The following MARK3 variants were observed in gnomAD, a reference collection of about 807,000 sequenced individuals.
MARK3 encodes microtubule affinity regulating kinase 3, also known as MAP/microtubule affinity-regulating kinase 3.
MARK3 carries 46 observed loss-of-function variants against 90.1 expected under a neutral mutation model. The observed-to-expected ratio is 0.51, with a 90% CI of 0.40 to 0.65. MARK3 has a LOEUF of 0.65. Among genes scored for constraint, MARK3 ranks in the 30% least tolerant of loss-of-function variants. The pLI, the probability that MARK3 is intolerant of heterozygous loss-of-function variation, is 0.00. For synonymous variants in MARK3, 321 were observed against 332.6 expected (o/e 0.97, Z 0.38); for missense variants, 818 against 947.2 (o/e 0.86, Z 1.79).
At chr14:103,438,918 G>A (rs1163005940) in intron 3 of MARK3, among the ~76,000 whole-genome samples, 13 of 151,492 alleles carry the variant, frequency 8.6e-5, no homozygotes, top group Admixed American at 8.6e-4. Flanking sequence ...AGCCCGGGAG[G>A]TCGAGGCTGC....
At position 103,479,628 on chromosome 14, in the gene MARK3, C is replaced by CTTTTTTTTTTTTTT. The variant is rs34768749; in HGVS notation, c.1483-751_1483-738dup. ...ATGTGTTTCTTGGCCATACGTATAG[C>CTTTTTTTTTTTTTT]TTTTTTTTTTTTTTTTTTTTTGAGA... On this transcript the variant is annotated intron_variant, in intron 13 of 17. Transcript: ENST00000429436. Among the ~76,000 whole-genome samples, 3 of 78,252 alleles carry CTTTTTTTTTTTTTT rather than the reference C, an allele frequency of 3.8e-5. 1 individual carries two copies. Among genetic ancestry groups the CTTTTTTTTTTTTTT allele is most frequent in the Admixed American group, 1.9e-4 (1 of 5,272 alleles). 51.3% of individuals were successfully genotyped at this position (78,252 alleles called of 152,430 possible). A position where few individuals can be genotyped will look rare whatever the true frequency, so the allele number is the denominator to read the frequency against.
intron 1 of MARK3, among the ~76,000 whole-genome samples, chr14:103,395,810 T>A (rs1178988740): frequency 1.3e-5 from 2 of 152,198 alleles, no homozygotes; most frequent in Non-Finnish European, 2.9e-5. Context: ...ACACTCCGAT[T>A]TGGAGAGAGA....
chr14:103,408,535 C>G (rs1245013577), intron 2 of MARK3, among the ~76,000 whole-genome samples: 3 of 152,168 alleles, frequency 2.0e-5, no homozygotes, highest in African/African-American at 4.8e-5. Context: ...CAAATGCTCT[C>G]CCTGTGCGAG....
chr14:103,485,096 G>T (rs1226732200), intron 14 of MARK3, among the ~76,000 whole-genome samples: 12 of 137,222 alleles, frequency 8.7e-5, no homozygotes, highest in Admixed American at 7.9e-4. Context: ...CAGGCATGGT[G>T]GCGCATGCCT....
At chr14:103,404,148 T>A (rs1173854169) in intron 1 of MARK3, among the ~76,000 whole-genome samples, 3 of 152,268 alleles carry the variant, frequency 2.0e-5, no homozygotes, top group Non-Finnish European at 2.9e-5. Context: ...TTTCATTTCC[T>A]TTGATTTGAG....
chr14:103,385,927 C>CT lies in MARK3; in HGVS notation c.-99dup. On this transcript the variant is annotated 5_prime_UTR_variant, in exon 1 of 18. Transcript: ENST00000429436. ...AAGGGAGCCGCCCTCCCCACGGCGC[C>CT]TTTTCGGAACTGCCGTGGACTCGAG... 1.1e-6 allele frequency: 1 copy of CT among 950,542 alleles called. No individual in the cohort carries two copies. Among genetic ancestry groups the CT allele is most frequent in the Non-Finnish European group, 1.7e-6 (1 of 581,962 alleles). 58.9% of individuals were successfully genotyped at this position (950,542 alleles called of 1,614,324 possible). A position where few individuals can be genotyped will look rare whatever the true frequency, so the allele number is the denominator to read the frequency against.
At chr14:103,438,244 C>G (rs2092763840) in intron 3 of MARK3, among the ~76,000 whole-genome samples, 3 of 152,102 alleles carry the variant, frequency 2.0e-5, no homozygotes, top group South Asian at 2.1e-4. Context: ...CTCAGGTGAT[C>G]CACCTGCCTC....
intron 1 of MARK3, among the ~76,000 whole-genome samples, chr14:103,401,973 A>G (rs746967190): frequency 2.0e-5 from 3 of 152,188 alleles, no homozygotes; most frequent in Non-Finnish European, 2.9e-5. Flanking sequence ...ACACTGACTG[A>G]GTCAGAGCTA....
intron 3 of MARK3, among the ~76,000 whole-genome samples, chr14:103,446,666 A>T (rs530960424): frequency 1.4e-5 from 2 of 148,122 alleles, no homozygotes; most frequent in East Asian, 4.0e-4. Flanking sequence ...AGTGCTGTGT[A>T]TCCTGAGCTA....
At chr14:103,467,942 T>G in intron 11 of MARK3, 91 bp from the exon 12 acceptor site, 68 of 1,278,458 alleles carry the variant, frequency 5.3e-5, no homozygotes, top group Non-Finnish European at 6.8e-5. Flanking sequence ...GAACGGTTTA[T>G]GAGAGGTCTG....
At chr14:103,487,605 C>T (rs1372847997) in intron 14 of MARK3, among the ~76,000 whole-genome samples, 1 of 152,042 alleles carries the variant, frequency 6.6e-6, no homozygotes, top group Non-Finnish European at 1.5e-5. Context: ...ATCTTCTTCC[C>T]CTGCTTTTCT....
chr14:103,492,042 C>G lies in MARK3; in HGVS notation c.1844+8C>G, dbSNP rs1262693865. On this transcript the variant is annotated splice_region_variant and intron_variant, in intron 15 of 17. Transcript: ENST00000429436. The stretch of plus-strand genomic sequence containing the variant: ...TTCAAAACTCACAAGGAGGTAAGTG[C>G]TAGGTGCTGGTTGTTTTGGAGTGAA... 6.2e-7 allele frequency: 1 copy of G among 1,613,236 alleles called. No homozygotes were observed. The highest frequency in any genetic ancestry group is 2.2e-5 in the East Asian group (1 of 44,882).
chr14:103,498,563 C>G, intron 16 of MARK3, 35 bp downstream of exon 16: 1 of 1,324,264 alleles, frequency 7.6e-7, no homozygotes, highest in Non-Finnish European at 9.7e-7. Context: ...TTTTTCAATC[C>G]TCACTCCCAA....
chr14:103,464,152 C>T (rs76598860), intron 7 of MARK3, among the ~76,000 whole-genome samples: 1 of 152,328 alleles, frequency 6.6e-6, no homozygotes, highest in African/African-American at 2.4e-5. Flanking sequence ...CATTCTCCTT[C>T]TTCCCTTCTA....
chr14:103,459,551 G>A (rs2093351057), intron 6 of MARK3, among the ~76,000 whole-genome samples: 1 of 152,138 alleles, frequency 6.6e-6, no homozygotes, highest in African/African-American at 2.4e-5. Flanking sequence ...CAAGGCTGGA[G>A]TGCAGTGGCC....
chr14:103,460,104 T>TTTTTTTTTTTTTTTA, intron 6 of MARK3, among the ~76,000 whole-genome samples: 1 of 108,620 alleles, frequency 9.2e-6, no homozygotes, highest in South Asian at 2.9e-4. Flanking sequence ...TTTTTTTTTT[T>TTTTTTTTTTTTTTTA]GAGACAAATC....
intron 3 of MARK3, among the ~76,000 whole-genome samples, chr14:103,432,205 T>G (rs1389870195): frequency 1.3e-5 from 2 of 152,180 alleles, no homozygotes; most frequent in African/African-American, 2.4e-5. Context: ...TAGTAAAGCA[T>G]TTTTTGAGTA....
chr14:103,420,543 G>T (rs1336537226), intron 2 of MARK3, among the ~76,000 whole-genome samples: 4 of 152,086 alleles, frequency 2.6e-5, no homozygotes, highest in African/African-American at 4.8e-5. Flanking sequence ...CACTTTTTTT[G>T]TGTGTGTGGT....
At chr14:103,476,357 T>G (rs1056258497) in intron 13 of MARK3, among the ~76,000 whole-genome samples, 1 of 152,198 alleles carries the variant, frequency 6.6e-6, no homozygotes, top group Non-Finnish European at 1.5e-5. Flanking sequence ...GGCTGAGTTC[T>G]TACCATGTGC....
Sources: allele counts gnomAD v4.1 joint callset (sites outside exome capture counted in the v4.1 genomes callset), GRCh38; gene constraint gnomAD v4.1.1; transcripts MANE v1.5; gene names NCBI Gene and HGNC (gene_info 2026-07-23, HGNC 2026-07-21).